The following TRPM7 variants were observed in gnomAD, a reference collection of about 807,000 sequenced individuals.
TRPM7 encodes the protein LTRPC ion channel family member 7.
TRPM7 carries 134 observed loss-of-function variants against 229.7 expected under a neutral mutation model. That is an observed-to-expected ratio of 0.58 (90% CI 0.51 to 0.67). The LOEUF (loss-of-function observed/expected upper bound fraction) is 0.67, where lower values mean the gene tolerates loss of function less well. Among genes scored for constraint, TRPM7 ranks in the 30% least tolerant of loss-of-function variants. The pLI, the probability that TRPM7 is intolerant of heterozygous loss-of-function variation, is 0.00. For missense variants in TRPM7, 1,901 were observed against 2,210.0 expected (o/e 0.86, Z 2.80); for synonymous variants, 699 against 715.2 (o/e 0.98, Z 0.36).
intron 15 of TRPM7, 68 bp downstream of exon 15, chr15:50,613,639 A>C: frequency 1.5e-6 from 2 of 1,345,998 alleles, no homozygotes; most frequent in Non-Finnish European, 1.9e-6. Flanking sequence ...TTTTTTGTTT[A>C]ATAATACTAA....
At chr15:50,628,310 C>T in intron 10 of TRPM7, 61 bp from the exon 11 acceptor site, 1 of 1,227,464 alleles carries the variant, frequency 8.1e-7, no homozygotes, top group South Asian at 1.3e-5. Flanking sequence ...AAAAGGTGAA[C>T]ACTTTTTTTT....
At chr15:50,671,668 A>G (rs6493452) in intron 1 of TRPM7, among the ~76,000 whole-genome samples, 81,790 of 151,690 alleles carry the variant, frequency 0.54, 22,266 homozygotes, top group Admixed American at 0.62. Context: ...TAATTAGCCA[A>G]GCATGTTGGT....
At chr15:50,617,410 G>A (rs2060257905) in intron 13 of TRPM7, among the ~76,000 whole-genome samples, 1 of 151,400 alleles carries the variant, frequency 6.6e-6, no homozygotes, top group Non-Finnish European at 1.5e-5. Flanking sequence ...GGCTGAGGCA[G>A]GAGAATCACT....
intron 3 of TRPM7, among the ~76,000 whole-genome samples, chr15:50,649,128 A>G (rs1178346911): frequency 6.6e-6 from 1 of 152,180 alleles, no homozygotes; most frequent in Non-Finnish European, 1.5e-5. Flanking sequence ...TCTACAAAAC[A>G]TGGCATAGGC....
chr15:50,579,883 TCAAA>T (rs1469512168), intron 30 of TRPM7, among the ~76,000 whole-genome samples: 8 of 152,290 alleles, frequency 5.3e-5, no homozygotes, highest in East Asian at 3.9e-4. Flanking sequence ...ACTCCTGCGC[TCAAA>T]CAATCCTTCT....
intron 7 of TRPM7, among the ~76,000 whole-genome samples, chr15:50,637,036 G>A (rs1355992821): frequency 1.3e-4 from 20 of 151,434 alleles, no homozygotes; most frequent in African/African-American, 4.9e-4. Context: ...TGAGGCAGAA[G>A]AATGGTGTGA....
chr15:50,594,297 A>G, intron 24 of TRPM7, 132 bp downstream of exon 24: 1 of 759,024 alleles, frequency 1.3e-6, no homozygotes, highest in Non-Finnish European at 2.1e-6. Flanking sequence ...CTTTATGTAC[A>G]GGCATATTTA....
At chr15:50,644,793 G>A (rs1365692802) in intron 4 of TRPM7, among the ~76,000 whole-genome samples, 3 of 97,482 alleles carry the variant, frequency 3.1e-5, no homozygotes, top group South Asian at 3.8e-4. Context: ...GCGAAACTGC[G>A]TCTCAAAAAA....
intron 11 of TRPM7, among the ~76,000 whole-genome samples, chr15:50,626,058 T>C (rs2060550163): frequency 1.3e-5 from 2 of 152,212 alleles, no homozygotes; most frequent in African/African-American, 4.8e-5. Context: ...GGTGTTTATC[T>C]GTTCCCCAGG....
At position 50,643,349 on chromosome 15, in the gene TRPM7, C is replaced by T; in HGVS notation, c.526G>A (p.Val176Ile). ...TTGAWILTGG[V>I]NTGVAKHVGD... The stretch of plus-strand genomic sequence containing the variant: ...ATAATCATCACATTACCTGTGTTTA[C>T]TCCTCCAGTTAAAATCCAGGCTCCA... The change falls in exon 5 of 39, where the codon GTA becomes ATA. Residue 176 changes from valine (V) to isoleucine (I), a missense_variant. Val to Ile is a conservative substitution (Grantham distance 29). Coordinates refer to ENST00000646667, the MANE Select transcript of TRPM7 (RefSeq NM_017672.6). The T allele has an allele frequency of 2.5e-6, 4 of 1,613,270 alleles. No individual in the cohort carries two copies. The African/African-American group carries it at 4.0e-5, about 16-fold the overall frequency.
chr15:50,566,385 A>G (rs531938136), intron 38 of TRPM7, among the ~76,000 whole-genome samples: 1 of 152,192 alleles, frequency 6.6e-6, no homozygotes, highest in East Asian at 1.9e-4. Flanking sequence ...AAATTATAGC[A>G]CTCAATCTCT....
intron 6 of TRPM7, 84 bp from the exon 7 acceptor site, chr15:50,637,677 C>T: frequency 1.7e-6 from 2 of 1,204,146 alleles, no homozygotes; most frequent in Non-Finnish European, 2.3e-6. Flanking sequence ...TCCGTAAAGA[C>T]AAGTAAGAAG....
intron 1 of TRPM7, among the ~76,000 whole-genome samples, chr15:50,683,114 C>T (rs2140990091): frequency 6.6e-6 from 1 of 151,766 alleles, no homozygotes; most frequent in East Asian, 1.9e-4. Flanking sequence ...TCTTGTACTC[C>T]TGGGCTCAAG....
In TRPM7 at chr15:50,678,543, C is replaced by T. The variant is rs202238001; in HGVS notation, c.3+7988G>A. On this transcript the variant is annotated intron_variant, in intron 1 of 38. Coordinates refer to ENST00000646667, the MANE Select transcript of TRPM7 (RefSeq NM_017672.6). Reference sequence around the variant, plus strand: ...ATATATATATATATATATATATATACACACACACACACATATACATAATTT... The same window carrying T: ...ATATATATATATATATATATATATATACACACACACACATATACATAATTT... Among the ~76,000 whole-genome samples the T allele has an allele frequency of 5.2e-3, 750 of 144,346 alleles. 12 individuals are homozygous for T. The highest frequency in any genetic ancestry group is 0.016 in the African/African-American group (613 of 39,106). 94.7% of individuals were successfully genotyped at this position (144,346 alleles called of 152,430 possible). A position where few individuals can be genotyped will look rare whatever the true frequency, so the allele number is the denominator to read the frequency against.
At chr15:50,586,548 C>A in intron 27 of TRPM7, 60 bp from the exon 28 acceptor site, 1 of 1,113,832 alleles carries the variant, frequency 9.0e-7, no homozygotes, top group Non-Finnish European at 1.3e-6. Flanking sequence ...CAACCCATTA[C>A]TCTAAGTAGT....
intron 10 of TRPM7, among the ~76,000 whole-genome samples, chr15:50,629,421 T>G (rs1304630204): frequency 6.7e-6 from 1 of 149,600 alleles, no homozygotes; most frequent in Non-Finnish European, 1.5e-5. Context: ...CACTGGTGTA[T>G]GGCACCACAC....
intron 1 of TRPM7, among the ~76,000 whole-genome samples, chr15:50,676,447 A>C (rs963744215): frequency 6.6e-6 from 1 of 152,144 alleles, no homozygotes; most frequent in African/African-American, 2.4e-5. Flanking sequence ...GGCTAGACAC[A>C]GTGGCTCACA....
At chr15:50,640,813 C>CA (rs2061079624) in intron 5 of TRPM7, among the ~76,000 whole-genome samples, 1 of 152,020 alleles carries the variant, frequency 6.6e-6, no homozygotes, top group Admixed American at 6.6e-5. Context: ...AAGGAAACAC[C>CA]AAGGATACCT....
chr15:50,602,956 CACT>C (rs922103875), intron 21 of TRPM7, among the ~76,000 whole-genome samples: 6 of 151,650 alleles, frequency 4.0e-5, no homozygotes, highest in African/African-American at 7.2e-5. Flanking sequence ...AACTAGACAC[CACT>C]GAGTCACTAA....
Sources: gnomAD v4.1 joint callset for allele counts (sites outside exome capture counted in the v4.1 genomes callset) on GRCh38, gnomAD v4.1.1 for gene constraint, MANE v1.5 for transcripts, NCBI Gene and HGNC (gene_info 2026-07-23, HGNC 2026-07-21) for gene names.